TENM3: variants seen among roughly 807,000 people sequenced by gnomAD.
TENM3 encodes the protein teneurin-3.
In TENM3, 63 loss-of-function variants were observed where a neutral mutation model predicts 255.1. The observed-to-expected ratio is 0.25, with a 90% confidence interval of 0.20 to 0.30. TENM3 has a LOEUF of 0.30. Among genes scored for constraint, TENM3 ranks in the 10% least tolerant of loss-of-function variants. TENM3 has a pLI of 1.00. For missense variants in TENM3, 2,929 were observed against 3,461.1 expected, an observed-to-expected ratio of 0.85 and a Z score of 3.86; for synonymous variants, 1,306 against 1,322.3, an observed-to-expected ratio of 0.99 and a Z score of 0.27.
chr4:182,132,972 A>G, the TENM3 span, among the ~76,000 whole-genome samples: 1 of 152,222 alleles, frequency 6.6e-6, no homozygotes, highest in Admixed American at 6.5e-5. Flanking sequence ...GAGACAATGT[A>G]TGCTATGTGG....
the TENM3 span, among the ~76,000 whole-genome samples, chr4:181,846,793 C>A: frequency 6.6e-6 from 1 of 152,142 alleles, no homozygotes; most frequent in Non-Finnish European, 1.5e-5. Context: ...TGCCCTAAAT[C>A]GTGCATTTGG....
chr4:182,361,359 A>G (rs1252028956), intron 3 of TENM3, among the ~76,000 whole-genome samples: 6 of 152,306 alleles, frequency 3.9e-5, no homozygotes, highest in South Asian at 4.1e-4. Context: ...AGGTACACCA[A>G]TCAGATGTAG....
chr4:182,329,131 C>T (rs937621047), intron 2 of TENM3, among the ~76,000 whole-genome samples: 1 of 152,190 alleles, frequency 6.6e-6, no homozygotes, highest in Admixed American at 6.5e-5. Flanking sequence ...GACTCGCTAC[C>T]TCCTGTGAGC....
chr4:181,643,021 A>T, the TENM3 span, among the ~76,000 whole-genome samples: 1 of 151,964 alleles, frequency 6.6e-6, no homozygotes, highest in South Asian at 2.1e-4. Context: ...GTTTAAACTA[A>T]TTTTTTCCAG....
the TENM3 span, among the ~76,000 whole-genome samples, chr4:181,902,060 A>T: frequency 6.6e-6 from 1 of 152,118 alleles, no homozygotes; most frequent in African/African-American, 2.4e-5. Flanking sequence ...CTTTGCATAA[A>T]AATCTGGGAG....
At chr4:182,212,843 G>A (rs1167249804) in intron 1 of TENM3, among the ~76,000 whole-genome samples, 1 of 152,198 alleles carries the variant, frequency 6.6e-6, no homozygotes, top group Non-Finnish European at 1.5e-5. Flanking sequence ...CTCTGTCATT[G>A]TCTTGGGTGA....
intron 4 of TENM3, among the ~76,000 whole-genome samples, chr4:182,608,001 A>C (rs13109227): frequency 0.12 from 18,519 of 152,230 alleles, 1,503 homozygotes; most frequent in Non-Finnish European, 0.19. Context: ...CATTATCTTC[A>C]TCTGAAAATG....
the TENM3 span, among the ~76,000 whole-genome samples, chr4:182,095,016 C>A: frequency 2.7e-5 from 4 of 150,166 alleles, no homozygotes; most frequent in African/African-American, 7.3e-5. Flanking sequence ...AGAAAGTGAC[C>A]AAAAGACAGG....
chr4:181,866,377 T>C, the TENM3 span, among the ~76,000 whole-genome samples: 1 of 152,176 alleles, frequency 6.6e-6, no homozygotes, highest in Admixed American at 6.5e-5. Flanking sequence ...CTCCACGCGG[T>C]TACTTAGTTT....
chr4:182,212,564 T>G (rs1197519476), intron 1 of TENM3, among the ~76,000 whole-genome samples: 1 of 152,182 alleles, frequency 6.6e-6, no homozygotes, highest in Non-Finnish European at 1.5e-5. Context: ...TACATGTTGT[T>G]CACCCACTTA....
chr4:182,568,225 T>C (rs1743995823), intron 3 of TENM3, among the ~76,000 whole-genome samples: 1 of 152,214 alleles, frequency 6.6e-6, no homozygotes. Context: ...TATTACAGCA[T>C]TCTGCAACTA....
the TENM3 span, among the ~76,000 whole-genome samples, chr4:181,990,850 A>T: frequency 6.6e-6 from 1 of 152,182 alleles, no homozygotes; most frequent in African/African-American, 2.4e-5. Flanking sequence ...AAAGAAAGGC[A>T]AAATACCTGT....
At chr4:181,584,094 G>C in the TENM3 span, among the ~76,000 whole-genome samples, 1 of 152,206 alleles carries the variant, frequency 6.6e-6, no homozygotes, top group African/African-American at 2.4e-5. Context: ...TACATGAGTA[G>C]CACTGACATA....
At chr4:181,805,750 G>A in the TENM3 span, among the ~76,000 whole-genome samples, 1 of 152,062 alleles carries the variant, frequency 6.6e-6, no homozygotes, top group African/African-American at 2.4e-5. Context: ...GAATATGGGG[G>A]CTTAATTCTG....
intron 24 of TENM3, among the ~76,000 whole-genome samples, chr4:182,778,657 C>T (rs1461040720): frequency 6.6e-6 from 1 of 152,168 alleles, no homozygotes; most frequent in Non-Finnish European, 1.5e-5. Context: ...TCTTTTCAAG[C>T]ATATTCCAGA....
the TENM3 span, among the ~76,000 whole-genome samples, chr4:181,566,300 T>C: frequency 6.6e-6 from 1 of 152,196 alleles, no homozygotes; most frequent in Non-Finnish European, 1.5e-5. Flanking sequence ...GAAAAACTGT[T>C]TGAGAGATAC....
intron 7 of TENM3, among the ~76,000 whole-genome samples, chr4:182,674,761 A>C (rs190984309): frequency 9.2e-5 from 14 of 152,042 alleles, no homozygotes; most frequent in African/African-American, 3.4e-4. Context: ...TTTTTTGTAG[A>C]GATGTGGTTT....
At chr4:182,445,804 A>C (rs895786486) in intron 3 of TENM3, among the ~76,000 whole-genome samples, 1 of 152,184 alleles carries the variant, frequency 6.6e-6, no homozygotes, top group Non-Finnish European at 1.5e-5. Flanking sequence ...ACATAATTCA[A>C]TATATTTGAT....
At chr4:182,617,019 C>T (rs1749609151) in intron 4 of TENM3, among the ~76,000 whole-genome samples, 1 of 152,094 alleles carries the variant, frequency 6.6e-6, no homozygotes, top group Admixed American at 6.5e-5. Flanking sequence ...ATATACATTT[C>T]ACAGATAATC....
Sources: gnomAD v4.1 joint callset for allele counts (sites outside exome capture counted in the v4.1 genomes callset) on GRCh38, gnomAD v4.1.1 for gene constraint, MANE v1.5 for transcripts, NCBI Gene and HGNC (gene_info 2026-07-23, HGNC 2026-07-21) for gene names.